Variants in INPP4B observed in about 807,000 individuals in gnomAD.
The protein encoded by INPP4B is inositol polyphosphate-4-phosphatase type II B, also known as inositol polyphosphate 4-phosphatase type II.
INPP4B carries 55 observed loss-of-function variants against 122.5 expected under a neutral mutation model. The ratio of observed to expected loss-of-function variants is 0.45; its 90% confidence interval spans 0.36 to 0.56. The LOEUF (loss-of-function observed/expected upper bound fraction) is 0.56, where lower values mean the gene tolerates loss of function less well. INPP4B is among the 20% of genes least tolerant of loss of function. The pLI, the probability that INPP4B is intolerant of heterozygous loss-of-function variation, is 0.00. For synonymous variants in INPP4B, 403 were observed against 388.7 expected, an observed-to-expected ratio of 1.04 and a Z score of -0.43; for missense variants, 1,000 against 1,097.7, an observed-to-expected ratio of 0.91 and a Z score of 1.26.
intron 23 of INPP4B, among the ~76,000 whole-genome samples, chr4:142,106,283 G>A (rs986169406): frequency 6.6e-6 from 1 of 152,092 alleles, no homozygotes; most frequent in Non-Finnish European, 1.5e-5. Flanking sequence ...ACATGTTGTT[G>A]TTGTTGTTAT....
chr4:142,274,161 AC>A lies in INPP4B; in HGVS notation c.504-3388del, dbSNP rs1747256003. ...AATAATAGCTTAATCATTATTCATC[AC>A]CAAAATTCTACTGAATTTTACCTTA... On this transcript the variant is annotated intron_variant, in intron 9 of 25. Transcript: ENST00000262992. Among the ~76,000 whole-genome samples the A allele has an allele frequency of 5.3e-5, 8 of 151,964 alleles. No individual in the cohort carries two copies. The South Asian group carries it at 1.7e-3, about 32-fold the overall frequency.
At chr4:142,676,983 T>C (rs1757907664) in intron 2 of INPP4B, among the ~76,000 whole-genome samples, 1 of 151,990 alleles carries the variant, frequency 6.6e-6, no homozygotes, top group Middle Eastern at 3.2e-3. Context: ...AACGCCAATA[T>C]TGACAAATAG....
At chr4:142,373,260 TAAC>T (rs1448262509) in intron 7 of INPP4B, among the ~76,000 whole-genome samples, 2 of 151,990 alleles carry the variant, frequency 1.3e-5, no homozygotes, top group Non-Finnish European at 2.9e-5. Flanking sequence ...ATGAATAGAG[TAAC>T]AACATTTGAC....
chr4:142,513,227 G>A (rs921653146), intron 2 of INPP4B, among the ~76,000 whole-genome samples: 1 of 152,124 alleles, frequency 6.6e-6, no homozygotes, highest in Admixed American at 6.5e-5. Flanking sequence ...CATTCAGGCT[G>A]CTTTACCAGA....
At chr4:142,429,039 G>C (rs1203774747) in intron 5 of INPP4B, 134 bp downstream of exon 5, 4 of 569,400 alleles carry the variant, frequency 7.0e-6, no homozygotes, top group African/African-American at 1.9e-5. Context: ...CTACCTTATA[G>C]AACAATTTTA....
intron 9 of INPP4B, among the ~76,000 whole-genome samples, chr4:142,274,022 C>T (rs1747188827): frequency 6.6e-6 from 1 of 151,694 alleles, no homozygotes; most frequent in African/African-American, 2.4e-5. Context: ...AATGAAATAT[C>T]TATTTCATGT....
intron 17 of INPP4B, among the ~76,000 whole-genome samples, chr4:142,146,298 T>C (rs943727499): frequency 2.6e-5 from 4 of 152,164 alleles, no homozygotes; most frequent in Admixed American, 1.3e-4. Flanking sequence ...ATATTTTAAA[T>C]TGAAGGCATC....
At chr4:142,786,522 C>A (rs545382938) in intron 1 of INPP4B, among the ~76,000 whole-genome samples, 2 of 152,074 alleles carry the variant, frequency 1.3e-5, no homozygotes, top group East Asian at 3.9e-4. Context: ...GAACATAATT[C>A]CCTGCTCCTT....
intron 2 of INPP4B, among the ~76,000 whole-genome samples, chr4:142,507,278 A>G (rs552798770): frequency 6.6e-6 from 1 of 152,276 alleles, no homozygotes; most frequent in East Asian, 1.9e-4. Context: ...CTCAAGCTAA[A>G]TACTCAGTAC....
intron 7 of INPP4B, among the ~76,000 whole-genome samples, chr4:142,353,281 T>C (rs1430389656): frequency 6.6e-6 from 1 of 151,952 alleles, no homozygotes; most frequent in African/African-American, 2.4e-5. Flanking sequence ...TTGCAATGCT[T>C]TCTAAGTTGC....
intron 2 of INPP4B, among the ~76,000 whole-genome samples, chr4:142,626,764 G>C (rs1200672585): frequency 6.6e-6 from 1 of 151,936 alleles, no homozygotes; most frequent in Admixed American, 6.6e-5. Context: ...CTTTCTACTT[G>C]AAAAATCCTA....
At chr4:142,213,139 C>G (rs77220707) in intron 12 of INPP4B, among the ~76,000 whole-genome samples, 1 of 152,064 alleles carries the variant, frequency 6.6e-6, no homozygotes, top group African/African-American at 2.4e-5. Context: ...CTTAGGCTAT[C>G]GGATGTGGAT....
At chr4:142,702,072 A>C (rs1292956757) in intron 2 of INPP4B, among the ~76,000 whole-genome samples, 1 of 152,164 alleles carries the variant, frequency 6.6e-6, no homozygotes, top group Non-Finnish European at 1.5e-5. Context: ...GAGCCTGAGC[A>C]ATCTGTTAGC....
At chr4:142,085,317 T>C (rs1040967282) in intron 24 of INPP4B, among the ~76,000 whole-genome samples, 3 of 152,192 alleles carry the variant, frequency 2.0e-5, no homozygotes, top group African/African-American at 7.2e-5. Flanking sequence ...ATGAATAGAG[T>C]ATGCAAGAAG....
chr4:142,796,239 A>G lies in INPP4B; in HGVS notation c.-254+49970T>C, dbSNP rs140078775. ...ATTAAGGAGAAGTAAACAGACTTGG[A>G]GGATTCTTGTTCGATTTGAAGGGCA... On this transcript the variant is annotated intron_variant, in intron 1 of 25. Transcript: ENST00000262992. Among the ~76,000 whole-genome samples the G allele has an allele frequency of 1.1e-3, 167 of 152,134 alleles. 1 individual carries two copies. The highest frequency in any genetic ancestry group is 3.9e-3 in the African/African-American group (162 of 41,544).
chr4:142,397,939 T>C (rs189245673), intron 7 of INPP4B, among the ~76,000 whole-genome samples: 1 of 152,104 alleles, frequency 6.6e-6, no homozygotes, highest in Non-Finnish European at 1.5e-5. Flanking sequence ...AGAAATCCTA[T>C]GGACAATATA....
intron 2 of INPP4B, among the ~76,000 whole-genome samples, chr4:142,492,097 G>A (rs1023402327): frequency 3.9e-5 from 6 of 151,962 alleles, no homozygotes; most frequent in African/African-American, 1.4e-4. Flanking sequence ...TTTATAAAGG[G>A]CTTTTCACCC....
chr4:142,057,244 A>G (rs967940142), intron 25 of INPP4B, among the ~76,000 whole-genome samples: 3 of 46,102 alleles, frequency 6.5e-5, no homozygotes, highest in Non-Finnish European at 2.0e-4. Flanking sequence ...CCATTTTAAT[A>G]GTATGTTAAA....
intron 3 of INPP4B, among the ~76,000 whole-genome samples, chr4:142,432,288 C>T (rs978486011): frequency 2.6e-5 from 4 of 152,002 alleles, no homozygotes; most frequent in Non-Finnish European, 4.4e-5. Context: ...GTTTATAATA[C>T]TAATAATGTC....
Sources: allele counts gnomAD v4.1 joint callset (sites outside exome capture counted in the v4.1 genomes callset), GRCh38; gene constraint gnomAD v4.1.1; transcripts MANE v1.5; gene names NCBI Gene and HGNC (gene_info 2026-07-23, HGNC 2026-07-21).